The following SUGCT variants were observed in gnomAD, a reference collection of about 807,000 sequenced individuals.
SUGCT encodes the protein succinyl-CoA:glutarate-CoA transferase, also known as succinyl-CoA:glutarate CoA-transferase.
Under a neutral mutation model 55.0 loss-of-function variants are expected in SUGCT, and 41 were observed. That is an observed-to-expected ratio of 0.74 (90% CI 0.58 to 0.97). SUGCT has a LOEUF of 0.97. Ranked by LOEUF, SUGCT falls within the 50% of genes least tolerant of loss-of-function variation. SUGCT has a pLI of 0.00. For synonymous variants in SUGCT, 187 were observed against 200.4 expected (o/e 0.93, Z 0.56); for missense variants, 568 against 547.8 (o/e 1.04, Z -0.37).
intron 8 of SUGCT, among the ~76,000 whole-genome samples, chr7:40,290,353 A>G (rs563020252): frequency 6.6e-6 from 1 of 152,302 alleles, no homozygotes; most frequent in South Asian, 2.1e-4. Context: ...ATAATGCCAC[A>G]TATCTACAAC....
intron 9 of SUGCT, among the ~76,000 whole-genome samples, chr7:40,400,977 CA>C (rs1467756761): frequency 6.6e-6 from 1 of 152,176 alleles, no homozygotes; most frequent in Non-Finnish European, 1.5e-5. Context: ...CATCCCAGTA[CA>C]ACCCTTGGAA....
At chr7:40,573,548 A>G (rs1796566301) in intron 12 of SUGCT, among the ~76,000 whole-genome samples, 2 of 152,230 alleles carry the variant, frequency 1.3e-5, no homozygotes, top group Non-Finnish European at 2.9e-5. Context: ...CATAAGATTT[A>G]TAGGTGTATA....
intron 12 of SUGCT, among the ~76,000 whole-genome samples, chr7:40,730,623 G>T (rs1367403727): frequency 6.6e-6 from 1 of 152,002 alleles, no homozygotes; most frequent in Non-Finnish European, 1.5e-5. Flanking sequence ...TCACCACTTG[G>T]TACAATAGAT....
chr7:40,817,731 C>A (rs1791751940), intron 13 of SUGCT, among the ~76,000 whole-genome samples: 1 of 151,946 alleles, frequency 6.6e-6, no homozygotes, highest in Admixed American at 6.6e-5. Context: ...CAAAAGTAGG[C>A]AATGGGATGC....
At chr7:40,390,987 A>G (rs1434280062) in intron 9 of SUGCT, among the ~76,000 whole-genome samples, 2 of 152,248 alleles carry the variant, frequency 1.3e-5, no homozygotes, top group Non-Finnish European at 2.9e-5. Flanking sequence ...CCACACATCT[A>G]CAACCATCTG....
chr7:40,955,685 G>C, the SUGCT span, among the ~76,000 whole-genome samples: 3 of 151,954 alleles, frequency 2.0e-5, no homozygotes, highest in Admixed American at 6.6e-5. Context: ...ATAGGAGTGA[G>C]AGAGGGCATC....
At chr7:40,215,679 G>A (rs1031878413) in intron 6 of SUGCT, among the ~76,000 whole-genome samples, 2 of 151,954 alleles carry the variant, frequency 1.3e-5, no homozygotes, top group African/African-American at 2.4e-5. Context: ...TGGCTAACAC[G>A]GTGAAACCCC....
At chr7:40,562,681 C>A (rs563268155) in intron 12 of SUGCT, among the ~76,000 whole-genome samples, 1 of 152,126 alleles carries the variant, frequency 6.6e-6, no homozygotes, top group Admixed American at 6.5e-5. Context: ...TGACCTAAAT[C>A]GTTACAGTGG....
At chr7:40,815,404 G>A (rs573508280) in intron 13 of SUGCT, among the ~76,000 whole-genome samples, 62 of 152,326 alleles carry the variant, frequency 4.1e-4, no homozygotes, top group African/African-American at 1.2e-3. Flanking sequence ...ATGCCTGGAG[G>A]TCTGCCTGGT....
chr7:40,970,177 C>CT, the SUGCT span, among the ~76,000 whole-genome samples: 24 of 149,674 alleles, frequency 1.6e-4, no homozygotes, highest in South Asian at 1.1e-3. Flanking sequence ...TTTTGTTTTT[C>CT]TTTTTTTTTT....
chr7:40,383,770 T>C (rs1784984000), intron 9 of SUGCT, among the ~76,000 whole-genome samples: 1 of 152,186 alleles, frequency 6.6e-6, no homozygotes, highest in African/African-American at 2.4e-5. Flanking sequence ...TGGTATAGAA[T>C]GGACTGCGTG....
At chr7:40,907,146 A>T in the SUGCT span, among the ~76,000 whole-genome samples, 1 of 128,664 alleles carries the variant, frequency 7.8e-6, no homozygotes, top group Non-Finnish European at 1.7e-5. Context: ...TGTGTGAGAG[A>T]GAGAGAGAGA....
At chr7:41,003,956 G>T in the SUGCT span, among the ~76,000 whole-genome samples, 1 of 152,110 alleles carries the variant, frequency 6.6e-6, no homozygotes, top group African/African-American at 2.4e-5. Context: ...TTCTGGAAAA[G>T]GTATAGATAC....
intron 3 of SUGCT, among the ~76,000 whole-genome samples, chr7:40,182,383 A>G (rs1785262494): frequency 6.6e-6 from 1 of 152,088 alleles, no homozygotes; most frequent in African/African-American, 2.4e-5. Context: ...CCTGGCCAAC[A>G]TGGTGAAACC....
the SUGCT span, among the ~76,000 whole-genome samples, chr7:41,004,221 T>G: frequency 6.6e-6 from 1 of 152,224 alleles, no homozygotes; most frequent in South Asian, 2.1e-4. Flanking sequence ...TTAGATTCGC[T>G]GACTGCTTCT....
intron 12 of SUGCT, among the ~76,000 whole-genome samples, chr7:40,544,944 T>C (rs1454612519): frequency 1.3e-5 from 2 of 152,178 alleles, no homozygotes; most frequent in Non-Finnish European, 2.9e-5. Context: ...TGTACTATAA[T>C]TTTATAGAAT....
chr7:40,577,426 T>A (rs1411990599), intron 12 of SUGCT, among the ~76,000 whole-genome samples: 1 of 152,074 alleles, frequency 6.6e-6, no homozygotes, highest in South Asian at 2.1e-4. Context: ...TTTTTTTTTT[T>A]ATGGCATGTT....
chr7:40,901,337 T>G, the SUGCT span, among the ~76,000 whole-genome samples: 4 of 152,228 alleles, frequency 2.6e-5, no homozygotes, highest in Admixed American at 6.5e-5. Flanking sequence ...CTTTGATCAC[T>G]TCCTTGGCCA....
At chr7:40,902,397 G>T in the SUGCT span, among the ~76,000 whole-genome samples, 2 of 151,844 alleles carry the variant, frequency 1.3e-5, no homozygotes, top group South Asian at 2.1e-4. Context: ...GGCTAATATG[G>T]TGAAACCCCA....
Sources: gnomAD v4.1 joint callset for allele counts (sites outside exome capture counted in the v4.1 genomes callset) on GRCh38, gnomAD v4.1.1 for gene constraint, MANE v1.5 for transcripts, NCBI Gene and HGNC (gene_info 2026-07-23, HGNC 2026-07-21) for gene names.